The following NRXN1 variants were observed in gnomAD, a reference collection of about 807,000 sequenced individuals.
NRXN1 encodes the protein neurexin 1, also known as neurexin-1.
Under a neutral mutation model 150.9 loss-of-function variants are expected in NRXN1, and 39 were observed. The ratio of observed to expected loss-of-function variants is 0.26; its 90% confidence interval spans 0.20 to 0.34. The LOEUF (loss-of-function observed/expected upper bound fraction) is 0.34, where lower values mean the gene tolerates loss of function less well. Among genes scored for constraint, NRXN1 ranks in the 10% least tolerant of loss-of-function variants. The pLI is 1.00. For missense variants in NRXN1, 1,815 were observed against 1,949.9 expected, an observed-to-expected ratio of 0.93 and a Z score of 1.30; for synonymous variants, 924 against 757.0, an observed-to-expected ratio of 1.22 and a Z score of -3.62.
At chr2:50,343,272 G>C (rs2077685202) in intron 17 of NRXN1, among the ~76,000 whole-genome samples, 1 of 152,124 alleles carries the variant, frequency 6.6e-6, no homozygotes, top group African/African-American at 2.4e-5. Flanking sequence ...GGAAAGCCGG[G>C]AGCTGAGATG....
intron 17 of NRXN1, among the ~76,000 whole-genome samples, chr2:50,458,963 G>T (rs1056302781): frequency 1.3e-5 from 2 of 152,030 alleles, no homozygotes; most frequent in African/African-American, 2.4e-5. Context: ...AAAAGGTAAA[G>T]CTTATAAAAT....
intron 18 of NRXN1, among the ~76,000 whole-genome samples, chr2:50,201,015 T>C (rs2062120823): frequency 6.6e-6 from 1 of 152,186 alleles, no homozygotes; most frequent in African/African-American, 2.4e-5. Flanking sequence ...TCTTTTATTT[T>C]ACTTCTGTTG....
At chr2:50,870,461 C>T (rs561917933) in intron 5 of NRXN1, among the ~76,000 whole-genome samples, 2 of 152,090 alleles carry the variant, frequency 1.3e-5, no homozygotes, top group African/African-American at 4.8e-5. Flanking sequence ...ACACACATGG[C>T]AGTCAGGTCT....
rs57614861 is a variant in NRXN1, at chr2:50,885,820, A to AACACACACACACACACACAC, written c.832+36029_832+36048dup. ...TGTCTAAATCGTAAATATTTCTATA[A>AACACACACACACACACACAC]ACACACACACACACACACACACACA... On this transcript the variant is annotated intron_variant, in intron 5 of 22. Coordinates refer to ENST00000401669, the MANE Select transcript of NRXN1 (RefSeq NM_001330078.2). Among the ~76,000 whole-genome samples, 2 of 143,752 alleles carry AACACACACACACACACACAC rather than the reference A, an allele frequency of 1.4e-5. 1 individual carries two copies. The highest frequency in any genetic ancestry group is 3.1e-5 in the Non-Finnish European group (2 of 64,964). The allele number at this position is 143,752 out of a possible 152,430, so 94.3% of individuals were successfully genotyped here.
intron 17 of NRXN1, among the ~76,000 whole-genome samples, chr2:50,367,161 A>C (rs2079642354): frequency 6.6e-6 from 1 of 151,982 alleles, no homozygotes; most frequent in Non-Finnish European, 1.5e-5. Flanking sequence ...AGAAATAATA[A>C]CTCAAGGAGA....
intron 5 of NRXN1, among the ~76,000 whole-genome samples, chr2:50,654,102 C>T (rs1342145004): frequency 6.7e-6 from 1 of 148,490 alleles, no homozygotes; most frequent in Non-Finnish European, 1.5e-5. Flanking sequence ...CATATGTATA[C>T]ATGTGCCATG....
chr2:50,993,292 A>G (rs1698812478), intron 2 of NRXN1, among the ~76,000 whole-genome samples: 3 of 151,984 alleles, frequency 2.0e-5, no homozygotes. Context: ...AATAATTTAT[A>G]CTGTATGCAC....
intron 5 of NRXN1, among the ~76,000 whole-genome samples, chr2:50,658,571 T>C (rs1177199503): frequency 6.6e-6 from 1 of 151,920 alleles, no homozygotes; most frequent in East Asian, 1.9e-4. Flanking sequence ...GCTGCCATAA[T>C]TCAAAAACAG....
chr2:50,246,083 C>A (rs768650119), intron 17 of NRXN1, among the ~76,000 whole-genome samples: 19 of 151,934 alleles, frequency 1.3e-4, no homozygotes, highest in Middle Eastern at 3.2e-3. Context: ...TGACACTTAA[C>A]AGAAATGATT....
At chr2:50,416,425 T>G (rs1289867458) in intron 17 of NRXN1, among the ~76,000 whole-genome samples, 1 of 152,072 alleles carries the variant, frequency 6.6e-6, no homozygotes, top group Non-Finnish European at 1.5e-5. Context: ...CCAGGTGACC[T>G]CCCCAAATAT....
chr2:50,628,899 A>C (rs972574470), intron 5 of NRXN1, among the ~76,000 whole-genome samples: 4 of 151,652 alleles, frequency 2.6e-5, no homozygotes, highest in Non-Finnish European at 5.9e-5. Flanking sequence ...TAAAGTATAA[A>C]AGGCTATCTT....
intron 21 of NRXN1, among the ~76,000 whole-genome samples, chr2:50,020,666 C>A (rs1687427988): frequency 6.6e-6 from 1 of 152,180 alleles, no homozygotes; most frequent in Non-Finnish European, 1.5e-5. Flanking sequence ...ACATTTTATA[C>A]TTTTTGCAGA....
intron 5 of NRXN1, among the ~76,000 whole-genome samples, chr2:50,806,889 C>T (rs967215707): frequency 2.0e-5 from 3 of 152,102 alleles, no homozygotes; most frequent in African/African-American, 7.2e-5. Flanking sequence ...TGGTTGTTAG[C>T]CCCTTGAAGG....
intron 17 of NRXN1, among the ~76,000 whole-genome samples, chr2:50,372,024 C>T (rs2080066332): frequency 6.6e-6 from 1 of 151,924 alleles, no homozygotes; most frequent in Admixed American, 6.6e-5. Context: ...TAAGTACTAC[C>T]CTTTGCAGCC....
chr2:50,797,338 AG>A (rs1706975911), intron 5 of NRXN1, among the ~76,000 whole-genome samples: 1 of 152,052 alleles, frequency 6.6e-6, no homozygotes, highest in Non-Finnish European at 1.5e-5. Context: ...CAATCACTGG[AG>A]ATATTGCTCC....
chr2:50,615,109 T>C (rs977579885), intron 8 of NRXN1, among the ~76,000 whole-genome samples: 2 of 152,188 alleles, frequency 1.3e-5, no homozygotes, highest in Non-Finnish European at 2.9e-5. Context: ...TTTGTGGCAA[T>C]AAATGTTTCT....
At chr2:50,266,646 G>A (rs2068932445) in intron 17 of NRXN1, among the ~76,000 whole-genome samples, 1 of 151,372 alleles carries the variant, frequency 6.6e-6, no homozygotes, top group South Asian at 2.1e-4. Flanking sequence ...CCAGAAAGAA[G>A]GAAGCAGCAA....
chr2:50,435,596 G>A (rs1057429880), intron 17 of NRXN1, among the ~76,000 whole-genome samples: 1 of 152,114 alleles, frequency 6.6e-6, no homozygotes, highest in African/African-American at 2.4e-5. Flanking sequence ...ATAGTGCTGT[G>A]ATGAATATAC....
intron 5 of NRXN1, among the ~76,000 whole-genome samples, chr2:50,862,714 A>G (rs1402859111): frequency 2.0e-5 from 3 of 152,050 alleles, no homozygotes. Context: ...CACTTTACAT[A>G]TTTGCTTTCA....
Sources: allele counts gnomAD v4.1 joint callset (sites outside exome capture counted in the v4.1 genomes callset), GRCh38; gene constraint gnomAD v4.1.1; transcripts MANE v1.5; gene names NCBI Gene and HGNC (gene_info 2026-07-23, HGNC 2026-07-21).